PCDH9: variants seen among roughly 807,000 people sequenced by gnomAD.
PCDH9 encodes protocadherin-9.
In PCDH9, 24 loss-of-function variants were observed where a neutral mutation model predicts 70.6. The ratio of observed to expected loss-of-function variants is 0.34; its 90% CI spans 0.25 to 0.48. The LOEUF is 0.48. PCDH9 is among the 20% of genes least tolerant of loss of function. The probability of loss-of-function intolerance (pLI) is 0.99; values close to 1 mark genes in which losing one functional copy is unlikely to be tolerated. For missense variants in PCDH9, 1,281 were observed against 1,503.6 expected (o/e 0.85, Z 2.45); for synonymous variants, 562 against 558.5 (o/e 1.01, Z -0.09).
chr13:66,842,150 T>C (rs1347632872), intron 3 of PCDH9, among the ~76,000 whole-genome samples: 3 of 152,206 alleles, frequency 2.0e-5, no homozygotes, highest in Non-Finnish European at 4.4e-5. Flanking sequence ...TTTAACTTCA[T>C]AATTTAAAAT....
rs1252963790 is a variant in PCDH9, at chr13:66,864,719, A to C, written c.3138+38785T>G. 2.6e-5 allele frequency among the ~76,000 whole-genome samples: 4 copies of C among 152,212 alleles called. No homozygotes were observed. In the East Asian group the frequency reaches 5.8e-4, roughly 22 times the overall value. On this transcript the variant is annotated intron_variant, in intron 3 of 4. Coordinates refer to ENST00000377865, the MANE Select transcript of PCDH9 (RefSeq NM_203487.3). The stretch of plus-strand genomic sequence containing the variant: ...TCACAAGGCTCATTTAGTGTTTTGC[A>C]GGTGGCTGGACTGCACTGCTTGTTT...
At chr13:67,032,571 G>T (rs260147) in intron 2 of PCDH9, among the ~76,000 whole-genome samples, 1 of 152,134 alleles carries the variant, frequency 6.6e-6, no homozygotes, top group Admixed American at 6.5e-5. Flanking sequence ...TAACAAGAAA[G>T]TTACCTCCCT....
chr13:66,721,775 A>T (rs1204745476), intron 3 of PCDH9, among the ~76,000 whole-genome samples: 1 of 152,164 alleles, frequency 6.6e-6, no homozygotes, highest in Non-Finnish European at 1.5e-5. Flanking sequence ...CAGTAAGTAA[A>T]TGCTCCAATA....
At chr13:66,646,259 T>C (rs1459949868) in intron 3 of PCDH9, among the ~76,000 whole-genome samples, 2 of 152,248 alleles carry the variant, frequency 1.3e-5, no homozygotes, top group African/African-American at 4.8e-5. Flanking sequence ...GCAATAATGC[T>C]GGGTGCTTAA....
intron 3 of PCDH9, among the ~76,000 whole-genome samples, chr13:66,813,388 T>G (rs1295812513): frequency 6.6e-6 from 1 of 151,574 alleles, no homozygotes; most frequent in Non-Finnish European, 1.5e-5. Flanking sequence ...TGGTGTACAG[T>G]TGATACTCAA....
intron 3 of PCDH9, among the ~76,000 whole-genome samples, chr13:66,640,584 C>T (rs1593823120): frequency 6.6e-6 from 1 of 151,924 alleles, no homozygotes; most frequent in East Asian, 1.9e-4. Context: ...TTAAACTGTC[C>T]TCATGTATTG....
intron 4 of PCDH9, among the ~76,000 whole-genome samples, chr13:66,427,459 A>G (rs1464703292): frequency 1.3e-5 from 2 of 151,756 alleles, no homozygotes; most frequent in Non-Finnish European, 3.0e-5. Flanking sequence ...TAGGAAACTA[A>G]GAGTTCACTG....
At chr13:66,686,357 G>T (rs1566505492) in intron 3 of PCDH9, among the ~76,000 whole-genome samples, 1 of 151,998 alleles carries the variant, frequency 6.6e-6, no homozygotes, top group Non-Finnish European at 1.5e-5. Flanking sequence ...TTCCCCTTCA[G>T]CCATAATTGT....
At chr13:67,056,193 T>C (rs1275215351) in intron 2 of PCDH9, among the ~76,000 whole-genome samples, 2 of 152,174 alleles carry the variant, frequency 1.3e-5, no homozygotes, top group Non-Finnish European at 2.9e-5. Flanking sequence ...ACAATTTACT[T>C]ATTTAACAGT....
At chr13:66,637,290 A>G (rs1353356128) in intron 3 of PCDH9, among the ~76,000 whole-genome samples, 1 of 152,194 alleles carries the variant, frequency 6.6e-6, no homozygotes, top group Non-Finnish European at 1.5e-5. Flanking sequence ...AGGGTAACAA[A>G]TATTAATACA....
chr13:67,112,430 T>C (rs2086675286), intron 2 of PCDH9, among the ~76,000 whole-genome samples: 1 of 152,182 alleles, frequency 6.6e-6, no homozygotes, highest in African/African-American at 2.4e-5. Context: ...CATTCCACTA[T>C]AACTCTCCAT....
intron 4 of PCDH9, among the ~76,000 whole-genome samples, chr13:66,448,894 G>T (rs1441671775): frequency 1.3e-5 from 2 of 152,146 alleles, no homozygotes; most frequent in East Asian, 3.8e-4. Flanking sequence ...ATTCTAAGCT[G>T]AACAAATGGT....
At chr13:67,043,550 G>A (rs1297819301) in intron 2 of PCDH9, among the ~76,000 whole-genome samples, 1 of 152,118 alleles carries the variant, frequency 6.6e-6, no homozygotes, top group African/African-American at 2.4e-5. Context: ...TAAAATTATA[G>A]GGTCTATGGG....
At chr13:66,714,664 A>T (rs867997434) in intron 3 of PCDH9, among the ~76,000 whole-genome samples, 3 of 152,228 alleles carry the variant, frequency 2.0e-5, no homozygotes, top group Admixed American at 6.5e-5. Flanking sequence ...TTAAGTTGAG[A>T]TTATATTAAC....
chr13:66,608,200 A>G (rs1407694053), intron 4 of PCDH9, among the ~76,000 whole-genome samples: 3 of 151,964 alleles, frequency 2.0e-5, no homozygotes, highest in Non-Finnish European at 4.4e-5. Flanking sequence ...ACAGTTCAGT[A>G]AAACTCTAAG....
intron 4 of PCDH9, among the ~76,000 whole-genome samples, chr13:66,386,748 G>A (rs1291933480): frequency 1.1e-4 from 17 of 152,074 alleles, no homozygotes; most frequent in Admixed American, 1.1e-3. Context: ...CACTGAGCAT[G>A]TGTTACATGG....
At chr13:66,559,799 C>CAAAAAAAAAA (rs71205593) in intron 4 of PCDH9, among the ~76,000 whole-genome samples, 2 of 10,264 alleles carry the variant, frequency 1.9e-4, no homozygotes, top group African/African-American at 3.1e-4. Context: ...GACTCCATCT[C>CAAAAAAAAAA]AAAAAAAAAA....
At chr13:66,631,062 T>C (rs777816593) in intron 4 of PCDH9, 148 bp downstream of exon 4, 11 of 580,236 alleles carry the variant, frequency 1.9e-5, no homozygotes, top group African/African-American at 1.3e-4. Flanking sequence ...ATATTAAATG[T>C]ATATCTCAAA....
At chr13:66,994,565 A>C (rs2084071489) in intron 2 of PCDH9, among the ~76,000 whole-genome samples, 1 of 152,186 alleles carries the variant, frequency 6.6e-6, no homozygotes, top group African/African-American at 2.4e-5. Flanking sequence ...GAATTCTTTC[A>C]TTCTAAATCA....
Sources: allele counts gnomAD v4.1 joint callset (sites outside exome capture counted in the v4.1 genomes callset), GRCh38; gene constraint gnomAD v4.1.1; transcripts MANE v1.5; gene names NCBI Gene and HGNC (gene_info 2026-07-23, HGNC 2026-07-21).